CDH19: variants seen among roughly 807,000 people sequenced by gnomAD.
CDH19 encodes the protein cadherin-19.
CDH19 carries 67 observed loss-of-function variants against 64.2 expected under a neutral mutation model. That is an observed-to-expected ratio of 1.04 (90% CI 0.86 to 1.28). The LOEUF (loss-of-function observed/expected upper bound fraction) is 1.28. Among genes scored for constraint, CDH19 ranks in the 50% most tolerant of loss-of-function variants. The pLI, the probability that CDH19 is intolerant of heterozygous loss-of-function variation, is 0.00. For missense variants in CDH19, 1,030 were observed against 929.0 expected (o/e 1.11, Z -1.41); for synonymous variants, 346 against 319.3 (o/e 1.08, Z -0.89).
At chr18:66,599,038 G>GTTACAT (rs1386149508) in intron 1 of CDH19, among the ~76,000 whole-genome samples, 196 of 151,742 alleles carry the variant, frequency 1.3e-3, no homozygotes, top group African/African-American at 4.5e-3. Context: ...CTTTCATAAA[G>GTTACAT]GATATAATGT....
chr18:66,549,589 A>G (rs546418546), intron 5 of CDH19, among the ~76,000 whole-genome samples: 6 of 152,170 alleles, frequency 3.9e-5, no homozygotes, highest in African/African-American at 1.4e-4. Flanking sequence ...CCTATAGTCC[A>G]TCCACAGAGG....
Position 66,583,784 on chromosome 18 carries a change from T to C in CDH19, c.-112-11468A>G, listed in dbSNP as rs924176470. 1.7e-4 allele frequency among the ~76,000 whole-genome samples: 26 copies of C among 151,972 alleles called. 1 individual carries two copies. Among genetic ancestry groups the C allele is most frequent in the Admixed American group, 1.7e-3 (26 of 15,240 alleles). On this transcript the variant is annotated intron_variant, in intron 1 of 11. Transcript: ENST00000262150. Reference sequence around the variant, plus strand: ...TCTCTATTCCATAAATGGTGTTGGGTAACTGGCTAGCCATATACAAAAGAT... The same window carrying C: ...TCTCTATTCCATAAATGGTGTTGGGCAACTGGCTAGCCATATACAAAAGAT...
chr18:66,567,382 A>T (rs1484281952), intron 3 of CDH19, among the ~76,000 whole-genome samples: 1 of 151,408 alleles, frequency 6.6e-6, no homozygotes. Context: ...AGAGGGAGGG[A>T]TGAGGAAGGT....
At chr18:66,559,232 A>T (rs1294931949) in intron 3 of CDH19, among the ~76,000 whole-genome samples, 1 of 151,724 alleles carries the variant, frequency 6.6e-6, no homozygotes, top group African/African-American at 2.4e-5. Flanking sequence ...GGAGAAAAAT[A>T]AAAAAAACAA....
intron 3 of CDH19, among the ~76,000 whole-genome samples, chr18:66,560,518 A>C (rs950640070): frequency 2.0e-5 from 3 of 152,052 alleles, no homozygotes; most frequent in Non-Finnish European, 2.9e-5. Flanking sequence ...TAGAACAATA[A>C]AACTTTCAGA....
chr18:66,536,793 G>T (rs897611655), intron 7 of CDH19, among the ~76,000 whole-genome samples: 1 of 151,578 alleles, frequency 6.6e-6, no homozygotes, highest in South Asian at 2.1e-4. Flanking sequence ...GACAAAATTT[G>T]TTTGGCTTTG....
chr18:66,565,406 T>G (rs1446473800), intron 3 of CDH19, among the ~76,000 whole-genome samples: 1 of 151,944 alleles, frequency 6.6e-6, no homozygotes. Flanking sequence ...AAGTGCAGAT[T>G]CAAATATAAT....
intron 1 of CDH19, among the ~76,000 whole-genome samples, chr18:66,574,379 G>A (rs1295178913): frequency 6.6e-6 from 1 of 151,526 alleles, no homozygotes; most frequent in Non-Finnish European, 1.5e-5. Context: ...CAGAAGAAAT[G>A]TTGAACGTGT....
intron 11 of CDH19, among the ~76,000 whole-genome samples, chr18:66,507,892 T>G (rs527588881): frequency 6.6e-6 from 1 of 152,018 alleles, no homozygotes; most frequent in South Asian, 2.1e-4. Context: ...ATTCATCACC[T>G]TAAATACTTA....
At position 66,560,781 on chromosome 18, in the gene CDH19, T is replaced by C. The variant is rs185945230; in HGVS notation, c.491-6257A>G. 1.1e-4 allele frequency among the ~76,000 whole-genome samples: 17 copies of C among 152,202 alleles called. No individual in the cohort carries two copies. In the East Asian group the frequency reaches 3.1e-3, roughly 28 times the overall value. ...ATAAGAACATGAAGCATGGTACAGG[T>C]CATATATACCTAACCTCTTTAGTCT... On this transcript the variant is annotated intron_variant, in intron 3 of 11. Coordinates refer to ENST00000262150, the MANE Select transcript of CDH19 (RefSeq NM_021153.4).
At chr18:66,544,679 T>C (rs1252125040) in intron 6 of CDH19, 40 bp downstream of exon 6, 7 of 1,356,864 alleles carry the variant, frequency 5.2e-6, no homozygotes, top group Non-Finnish European at 7.1e-6. Flanking sequence ...TGTTTTAATT[T>C]TGCGCTATTC....
intron 10 of CDH19, among the ~76,000 whole-genome samples, chr18:66,510,036 T>C (rs1197441656): frequency 6.6e-6 from 1 of 151,860 alleles, no homozygotes; most frequent in Non-Finnish European, 1.5e-5. Flanking sequence ...CAAAATATTA[T>C]GAATAACTTT....
Position 66,505,244 on chromosome 18 carries a change from C to T in CDH19, c.1887G>A (p.Glu629=), listed in dbSNP as rs1333977361. 1 of 1,598,806 alleles carries T rather than the reference C, an allele frequency of 6.3e-7. No homozygotes were observed. ...TATTCTCTCTGAAATCTTCACTTTTCTCAGGAAATAGAATCTGTTTTCTCC... is the reference window on the plus strand; with the variant it reads ...TATTCTCTCTGAAATCTTCACTTTTTTCAGGAAATAGAATCTGTTTTCTCC... ...KQRRKQILFP[E]KSEDFRENIF... Residue 629 remains glutamate (E), a synonymous_variant, in exon 12 of 12, where the codon GAG becomes GAA. Transcript: ENST00000262150.
intron 9 of CDH19, among the ~76,000 whole-genome samples, chr18:66,514,527 A>G (rs145159476): frequency 1.3e-5 from 2 of 151,628 alleles, no homozygotes; most frequent in Non-Finnish European, 3.0e-5. Flanking sequence ...AAAGAATATC[A>G]AGAAAATTAA....
intron 7 of CDH19, among the ~76,000 whole-genome samples, chr18:66,539,553 C>G (rs511412): frequency 0.041 from 6,302 of 151,908 alleles, 430 homozygotes; most frequent in African/African-American, 0.14. Flanking sequence ...TTTTTAATCT[C>G]TCAATATGGT....
chr18:66,512,419 G>A (rs1214080910), intron 9 of CDH19, among the ~76,000 whole-genome samples: 3 of 151,438 alleles, frequency 2.0e-5, no homozygotes, highest in African/African-American at 7.3e-5. Context: ...ATTAATTGTG[G>A]AAATTAAAGT....
At chr18:66,576,434 A>C (rs1021013697) in intron 1 of CDH19, among the ~76,000 whole-genome samples, 1 of 151,570 alleles carries the variant, frequency 6.6e-6, no homozygotes, top group Non-Finnish European at 1.5e-5. Flanking sequence ...TAGCAGTGAT[A>C]AATAATATCA....
intron 9 of CDH19, among the ~76,000 whole-genome samples, chr18:66,516,427 T>C (rs1237371838): frequency 6.6e-6 from 1 of 151,964 alleles, no homozygotes; most frequent in Non-Finnish European, 1.5e-5. Flanking sequence ...TGAGAAACAA[T>C]ACAGAAATTA....
In CDH19 at chr18:66,544,143, A is replaced by G; in HGVS notation, c.1042T>C (p.Tyr348His). The change falls in exon 7 of 12, where the codon TAC (tyrosine) becomes CAC (histidine). Residue 348 changes from tyrosine to histidine, a missense_variant. By Grantham distance (83) the Tyr-to-His change is moderately conservative (BLOSUM62 2). Coordinates refer to ENST00000262150, the MANE Select transcript of CDH19 (RefSeq NM_021153.4). ...AAAGTGGTGGAAGCCTCAGTGTGGT[A>G]CTTCATGAGCTGCTCAGGAACATGA... ...NHHVPEQLMK[Y>H]HTEASTTFIK... The G allele has an allele frequency of 6.2e-7, 1 of 1,613,904 alleles. No homozygotes were observed. The highest frequency in any genetic ancestry group is 8.5e-7 in the Non-Finnish European group (1 of 1,179,804).
Sources: allele counts gnomAD v4.1 joint callset (sites outside exome capture counted in the v4.1 genomes callset), GRCh38; gene constraint gnomAD v4.1.1; transcripts MANE v1.5; gene names NCBI Gene and HGNC (gene_info 2026-07-23, HGNC 2026-07-21).